GDAP2: variants seen among roughly 807,000 people sequenced by gnomAD.
GDAP2 encodes ganglioside-induced differentiation-associated protein 2.
In GDAP2, 51 loss-of-function variants were observed where a neutral mutation model predicts 67.0. The ratio of observed to expected loss-of-function variants is 0.76; its 90% CI spans 0.61 to 0.96. GDAP2 has a LOEUF of 0.96. Among genes scored for constraint, GDAP2 ranks in the 40% least tolerant of loss-of-function variants. The probability of loss-of-function intolerance (pLI) is 0.00; values close to 1 mark genes in which losing one functional copy is unlikely to be tolerated. For missense variants in GDAP2, 547 were observed against 588.3 expected (o/e 0.93, Z 0.73); for synonymous variants, 203 against 207.3 (o/e 0.98, Z 0.18).
At chr1:117,888,965 G>T (rs892499493) in intron 8 of GDAP2, among the ~76,000 whole-genome samples, 1 of 152,098 alleles carries the variant, frequency 6.6e-6, no homozygotes, top group African/African-American at 2.4e-5. Flanking sequence ...GTTACTGCTT[G>T]TAAAAAACAC....
intron 5 of GDAP2, among the ~76,000 whole-genome samples, chr1:117,909,576 T>C (rs1335445489): frequency 6.6e-6 from 1 of 152,186 alleles, no homozygotes; most frequent in African/African-American, 2.4e-5. Flanking sequence ...AAATGCTTGA[T>C]AAAGTATTCA....
intron 1 of GDAP2, among the ~76,000 whole-genome samples, chr1:117,922,231 C>T (rs1650277677): frequency 6.6e-6 from 1 of 151,968 alleles, no homozygotes; most frequent in South Asian, 2.1e-4. Flanking sequence ...ACAAGATAGC[C>T]TAGAGAGTAA....
At chr1:117,874,068 C>T (rs1422415537) in intron 13 of GDAP2, among the ~76,000 whole-genome samples, 1 of 152,150 alleles carries the variant, frequency 6.6e-6, no homozygotes, top group Non-Finnish European at 1.5e-5. Context: ...AAGCCAAAGA[C>T]CTGCAGCACT....
At chr1:117,882,078 A>G (rs1648669422) in intron 11 of GDAP2, among the ~76,000 whole-genome samples, 1 of 152,182 alleles carries the variant, frequency 6.6e-6, no homozygotes, top group African/African-American at 2.4e-5. Flanking sequence ...TATCTCTTTT[A>G]TAGGAGATAT....
At chr1:117,896,765 C>G in intron 8 of GDAP2, 68 bp downstream of exon 8, 1 of 1,021,608 alleles carries the variant, frequency 9.8e-7, no homozygotes, top group Non-Finnish European at 1.4e-6. Flanking sequence ...GCTCATGCAT[C>G]AGATGCAAGG....
chr1:117,928,953 C>T (rs1650570485), intron 1 of GDAP2, among the ~76,000 whole-genome samples: 1 of 152,182 alleles, frequency 6.6e-6, no homozygotes, highest in African/African-American at 2.4e-5. Context: ...TCACTTCCCC[C>T]TCAAGCGGCC....
At position 117,868,225 on chromosome 1, in the gene GDAP2, A is replaced by G. The variant is rs1023572561; in HGVS notation, c.*2344T>C. 1 of 152,216 alleles carries G rather than the reference A, an allele frequency of 6.6e-6. No individual in the cohort carries two copies. The highest frequency in any genetic ancestry group is 1.5e-5 in the Non-Finnish European group (1 of 68,042). The allele number at this position is 152,216 out of a possible 1,614,324, so 9.4% of individuals were successfully genotyped here. A position where few individuals can be genotyped will look rare whatever the true frequency, so the allele number is the denominator to read the frequency against. On this transcript the variant is annotated 3_prime_UTR_variant, in exon 14 of 14. Coordinates refer to ENST00000369443, the MANE Select transcript of GDAP2 (RefSeq NM_017686.4). ...TCTCCTCTAGGATTTGGTACTTTGAAGCAACTTCATTCTATAACACTTTAG... is the reference window on the plus strand; with the variant it reads ...TCTCCTCTAGGATTTGGTACTTTGAGGCAACTTCATTCTATAACACTTTAG...
chr1:117,876,363 C>G (rs1195906802), intron 13 of GDAP2, among the ~76,000 whole-genome samples: 1 of 152,142 alleles, frequency 6.6e-6, no homozygotes, highest in Non-Finnish European at 1.5e-5. Context: ...CAGCCTGAGT[C>G]CCTCACCAGA....
rs1570957030 is a variant in GDAP2 at position 117,864,939 on chromosome 1, C to T, written c.*5630G>A. On this transcript the variant is annotated 3_prime_UTR_variant, in exon 14 of 14. Coordinates refer to ENST00000369443, the MANE Select transcript of GDAP2 (RefSeq NM_017686.4). ...TACAATGACAGTTCTGTCTCCTTTC[C>T]TTGAAAGAGAAAATCTGGAAGCTAA... The T allele has an allele frequency of 6.6e-6, 1 of 152,120 alleles. No homozygotes were observed. Among genetic ancestry groups the T allele is most frequent in the East Asian group, 1.9e-4 (1 of 5,198 alleles). 9.4% of individuals were successfully genotyped at this position (152,120 alleles called of 1,614,324 possible).
Position 117,912,529 on chromosome 1 carries a change from C to G in GDAP2, c.470+1G>C. The G allele has an allele frequency of 6.2e-7, 1 of 1,612,332 alleles. No individual in the cohort carries two copies. The highest frequency in any genetic ancestry group is 8.5e-7 in the Non-Finnish European group (1 of 1,178,738). On this transcript the variant is annotated splice_donor_variant, in intron 4 of 13. Coordinates refer to ENST00000369443, the MANE Select transcript of GDAP2 (RefSeq NM_017686.4). LOFTEE classifies it high-confidence loss of function. Reference sequence around the variant, plus strand: ...ATGTCCAGAAAATGAGTAGACCATACTTTGCTAGTTGAAGTACGTTTCTGT... The same window carrying G: ...ATGTCCAGAAAATGAGTAGACCATAGTTTGCTAGTTGAAGTACGTTTCTGT...
chr1:117,883,073 T>A (rs1369116597), intron 11 of GDAP2: 1 of 152,804 alleles, frequency 6.5e-6, no homozygotes, highest in African/African-American at 2.4e-5. Context: ...AAATTCTGCA[T>A]TTACTGTTGT....
intron 1 of GDAP2, among the ~76,000 whole-genome samples, chr1:117,925,797 T>A (rs570371259): frequency 1.3e-5 from 2 of 152,342 alleles, no homozygotes; most frequent in Non-Finnish European, 2.9e-5. Flanking sequence ...GAGCATTCAA[T>A]GAGATAACTG....
intron 10 of GDAP2, among the ~76,000 whole-genome samples, chr1:117,885,434 G>A (rs1056746875): frequency 6.6e-6 from 1 of 152,016 alleles, no homozygotes; most frequent in Admixed American, 6.5e-5. Context: ...ACCCAATGAA[G>A]GTCAATGTAG....
rs1650133060 is a variant in GDAP2 at position 117,918,665 on chromosome 1, T to G, written c.248A>C (p.Asn83Thr). The change falls in exon 3 of 14, where the codon AAT becomes ACT. Residue 83 changes from asparagine to threonine, a missense_variant. Physicochemically the swap from Asn to Thr is moderately conservative, Grantham distance 65. Transcript: ENST00000369443. ...CATGAAGATACTTTCTGACACAGGA[T>G]TCTTATCTGTGAGACTTTCATTGCT... ...NTSNESLTDK[N>T]PVSESIFMLA... The G allele has an allele frequency of 1.2e-6, 2 of 1,600,752 alleles. No homozygotes were observed. Among genetic ancestry groups the G allele is most frequent in the Non-Finnish European group, 1.7e-6 (2 of 1,167,856 alleles).
chr1:117,877,573 T>C, intron 13 of GDAP2: 8 of 978,882 alleles, frequency 8.2e-6, no homozygotes, highest in Non-Finnish European at 9.7e-6. Context: ...TACAACCTTT[T>C]AGATAAATGA....
At chr1:117,927,111 T>C (rs1438009558) in intron 1 of GDAP2, among the ~76,000 whole-genome samples, 1 of 152,078 alleles carries the variant, frequency 6.6e-6, no homozygotes, top group African/African-American at 2.4e-5. Context: ...CATATCCATA[T>C]GATCTTCAGT....
chr1:117,928,916 G>A lies in GDAP2; in HGVS notation c.-68+532C>T, dbSNP rs569161557. Among the ~76,000 whole-genome samples the A allele has an allele frequency of 4.9e-4, 75 of 152,290 alleles. 1 individual carries two copies. Among genetic ancestry groups the A allele is most frequent in the African/African-American group, 1.7e-3 (72 of 41,570 alleles). On this transcript the variant is annotated intron_variant, in intron 1 of 13. Transcript: ENST00000369443. The stretch of plus-strand genomic sequence containing the variant: ...GGTGAAAGAGCACTTAAGTCTCAGT[G>A]AGCAAACAAGGAGGAGTCAGCCTTG...
chr1:117,917,347 A>C (rs1479694105), intron 3 of GDAP2, among the ~76,000 whole-genome samples: 1 of 152,230 alleles, frequency 6.6e-6, no homozygotes, highest in Admixed American at 6.5e-5. Context: ...GCAGCCCTTT[A>C]GTAATAACCT....
At chr1:117,925,076 T>C (rs1650397567) in intron 1 of GDAP2, among the ~76,000 whole-genome samples, 2 of 152,208 alleles carry the variant, frequency 1.3e-5, no homozygotes, top group South Asian at 4.1e-4. Flanking sequence ...TAAACTTGAA[T>C]GCCAACTTTC....
Sources: allele counts gnomAD v4.1 joint callset (sites outside exome capture counted in the v4.1 genomes callset), GRCh38; gene constraint gnomAD v4.1.1; transcripts MANE v1.5; gene names NCBI Gene and HGNC (gene_info 2026-07-23, HGNC 2026-07-21).